The following APP variants were observed in gnomAD, a reference collection of about 807,000 sequenced individuals.
APP encodes amyloid-beta precursor protein.
In APP, 31 loss-of-function variants were observed where a neutral mutation model predicts 101.4. That is an observed-to-expected ratio of 0.31 (90% CI 0.23 to 0.41). The LOEUF is 0.41. Ranked by LOEUF, APP falls within the 10% of genes least tolerant of loss-of-function variation. The probability of loss-of-function intolerance (pLI) is 1.00; values close to 1 mark genes in which losing one functional copy is unlikely to be tolerated. For missense variants in APP, 839 were observed against 1,003.7 expected (o/e 0.84, Z 2.22); for synonymous variants, 366 against 364.4 (o/e 1.00, Z -0.05).
chr21:26,140,550 C>A, intron 1 of APP: 1 of 275,316 alleles, frequency 3.6e-6, no homozygotes, highest in Non-Finnish European at 6.7e-6. Context: ...ACTGCTGGCC[C>A]AAATTCCATC....
intron 14 of APP, among the ~76,000 whole-genome samples, chr21:25,909,554 C>T (rs1783018): frequency 1 from 152,356 of 152,356 alleles, 76,178 homozygotes; most frequent in Non-Finnish European, 1. Context: ...AATGGACATC[C>T]TGGCAATTAC....
At chr21:26,018,047 G>A (rs1435269827) in intron 6 of APP, among the ~76,000 whole-genome samples, 1 of 152,184 alleles carries the variant, frequency 6.6e-6, no homozygotes, top group Non-Finnish European at 1.5e-5. Flanking sequence ...ACTGGAATCA[G>A]TGACAGAGAA....
intron 1 of APP, among the ~76,000 whole-genome samples, chr21:26,168,683 C>T (rs547669630): frequency 6.6e-6 from 1 of 152,264 alleles, no homozygotes; most frequent in East Asian, 1.9e-4. Flanking sequence ...GTAGTAAGAC[C>T]ATTCGGGAAA....
intron 17 of APP, among the ~76,000 whole-genome samples, chr21:25,888,302 G>A (rs531348080): frequency 6.6e-6 from 1 of 152,282 alleles, no homozygotes; most frequent in South Asian, 2.1e-4. Flanking sequence ...ACGCTGGAAT[G>A]CTAAGAAAAA....
chr21:25,991,229 GA>G (rs11319953), intron 8 of APP, among the ~76,000 whole-genome samples: 150,154 of 152,152 alleles, frequency 0.99, 74,078 homozygotes, highest in East Asian at 1. Context: ...ACTACTCAGT[GA>G]AATGGGGACA....
intron 2 of APP, among the ~76,000 whole-genome samples, chr21:26,110,340 G>A (rs947944560): frequency 2.2e-4 from 33 of 152,078 alleles, no homozygotes; most frequent in Non-Finnish European, 1.0e-4. Flanking sequence ...CATCTACTCA[G>A]GAGGCTGAGG....
intron 6 of APP, among the ~76,000 whole-genome samples, chr21:26,017,976 A>G (rs1248076383): frequency 2.0e-5 from 3 of 152,044 alleles, no homozygotes; most frequent in Non-Finnish European, 4.4e-5. Context: ...ACAGGGTCCC[A>G]CTCTGTTGCC....
Position 25,892,046 on chromosome 21 carries a change from TAAA to T in APP, c.2065-181_2065-179del, listed in dbSNP as rs10547971. ...TTGGTCAAATATTTGATGCTTACTT[TAAA>T]AAAAAAAAAAAAAAAAGAAATCACA... On this transcript the variant is annotated intron_variant, in intron 16 of 17. Transcript: ENST00000346798. Among the ~76,000 whole-genome samples, 351 of 138,798 alleles carry T rather than the reference TAAA, an allele frequency of 2.5e-3. 2 individuals are homozygous for T. Among genetic ancestry groups the T allele is most frequent in the South Asian group, 5.1e-3 (22 of 4,352 alleles). 91.1% of individuals were successfully genotyped at this position (138,798 alleles called of 152,430 possible). A position where few individuals can be genotyped will look rare whatever the true frequency, so the allele number is the denominator to read the frequency against.
At chr21:26,051,462 CTAAT>C (rs1046563151) in intron 4 of APP, among the ~76,000 whole-genome samples, 24 of 152,222 alleles carry the variant, frequency 1.6e-4, no homozygotes, top group Middle Eastern at 3.4e-3. Flanking sequence ...GGAATGGAAA[CTAAT>C]TGGGAAATAA....
intron 1 of APP, among the ~76,000 whole-genome samples, chr21:26,134,568 C>T (rs779142928): frequency 2.6e-5 from 4 of 152,226 alleles, no homozygotes; most frequent in Non-Finnish European, 4.4e-5. Flanking sequence ...CATGCCCTTT[C>T]CTGACATCCA....
chr21:25,941,425 C>A (rs1050646616), intron 13 of APP: 1 of 152,216 alleles, frequency 6.6e-6, no homozygotes, highest in East Asian at 1.9e-4. Context: ...ACGCAAAATT[C>A]TCTGCTGCCT....
At chr21:26,060,659 A>G (rs2046235225) in intron 3 of APP, among the ~76,000 whole-genome samples, 1 of 152,230 alleles carries the variant, frequency 6.6e-6, no homozygotes, top group South Asian at 2.1e-4. Context: ...GAAATTTTAA[A>G]TAGGGTGGTC....
Position 25,881,754 on chromosome 21 carries a change from G to C in APP, c.2229C>G (p.Thr743=). Residue 743 remains threonine, a synonymous_variant, in exon 18 of 18, where the codon ACC becomes ACG. Coordinates refer to ENST00000346798, the MANE Select transcript of APP (RefSeq NM_000484.4). ...TCTTGGACAGGTGGCGCTCCTCTGG[G>C]GTGACAGCGGCGTCAACCTGAAAAA... The part of the protein sequence containing the change: ...HGVVEVDAAV[T]PEERHLSKMQ... 1.2e-6 allele frequency: 2 copies of C among 1,613,676 alleles called. No individual in the cohort carries two copies. The highest frequency in any genetic ancestry group is 1.7e-6 in the Non-Finnish European group (2 of 1,180,024).
intron 2 of APP, among the ~76,000 whole-genome samples, chr21:26,104,931 T>G (rs1335193126): frequency 6.6e-6 from 1 of 151,998 alleles, no homozygotes; most frequent in Non-Finnish European, 1.5e-5. Context: ...GCTAGTTATC[T>G]CTAAAATATT....
chr21:26,092,780 T>G (rs897990747), intron 2 of APP, among the ~76,000 whole-genome samples: 20 of 152,196 alleles, frequency 1.3e-4, no homozygotes, highest in Non-Finnish European at 2.1e-4. Context: ...TGTGTGCAGG[T>G]AGCAAGTATA....
chr21:26,050,045 T>C (rs899963163), intron 5 of APP, among the ~76,000 whole-genome samples: 1 of 152,132 alleles, frequency 6.6e-6, no homozygotes, highest in African/African-American at 2.4e-5. Context: ...ATGACCCAGT[T>C]TGCCTGGATC....
At chr21:25,899,324 G>A (rs1172406398) in intron 15 of APP, among the ~76,000 whole-genome samples, 3 of 152,162 alleles carry the variant, frequency 2.0e-5, no homozygotes, top group Admixed American at 1.3e-4. Flanking sequence ...CCACAAATTT[G>A]CTGATACTCC....
At chr21:25,903,821 A>G (rs2038643443) in intron 15 of APP, among the ~76,000 whole-genome samples, 2 of 152,244 alleles carry the variant, frequency 1.3e-5, no homozygotes, top group Non-Finnish European at 2.9e-5. Flanking sequence ...GAAATTCATA[A>G]ATCAACGAGA....
intron 5 of APP, among the ~76,000 whole-genome samples, chr21:26,024,914 G>C (rs1312423167): frequency 2.0e-5 from 3 of 152,136 alleles, no homozygotes; most frequent in African/African-American, 7.2e-5. Flanking sequence ...TGATTAAGCA[G>C]AATAATTTAT....
Sources: allele counts gnomAD v4.1 joint callset (sites outside exome capture counted in the v4.1 genomes callset), GRCh38; gene constraint gnomAD v4.1.1; transcripts MANE v1.5; gene names NCBI Gene and HGNC (gene_info 2026-07-23, HGNC 2026-07-21).